Variants in PLCB2 observed in about 807,000 individuals in gnomAD.
PLCB2 encodes 1-phosphatidylinositol 4,5-bisphosphate phosphodiesterase beta-2.
A neutral mutation model predicts 141.7 loss-of-function variants in PLCB2; 115 were observed. That is an observed-to-expected ratio of 0.81 (90% CI 0.70 to 0.95). The LOEUF (loss-of-function observed/expected upper bound fraction) is 0.95. Ranked by LOEUF, PLCB2 falls within the 40% of genes least tolerant of loss-of-function variation. PLCB2 has a pLI of 0.00. For synonymous variants in PLCB2, 603 were observed against 595.6 expected (o/e 1.01, Z -0.18); for missense variants, 1,403 against 1,541.1 (o/e 0.91, Z 1.50).
chr15:40,302,727 C>G, intron 3 of PLCB2, 118 bp from the exon 4 acceptor site: 2 of 1,110,490 alleles, frequency 1.8e-6, no homozygotes, highest in Non-Finnish European at 2.6e-6. Context: ...AACCCCATCC[C>G]CATCCCAGGA....
rs761984154 is a variant in PLCB2 at position 40,291,168 on chromosome 15, C to T, written c.2886G>A (p.Glu962=). ...GSRKKRSLPR[E]ESAGAAPGEG... is the part of the protein sequence containing the mutation. ...CGCCCGGCGCGGCTCCGGCGCTCTC[C>T]TCGCGGGGCAGGCTCCTGGGGAGGC... The change falls in exon 27 of 32, where the codon GAG becomes GAA. Residue 962 remains glutamate, a synonymous_variant. Transcript: ENST00000260402. The T allele has an allele frequency of 1.3e-6, 2 of 1,571,022 alleles. No homozygotes were observed. The highest frequency in any genetic ancestry group is 1.3e-5 in the African/African-American group (1 of 74,356).
Position 40,301,627 on chromosome 15 carries a change from C to A in PLCB2, c.582+330G>T, listed in dbSNP as rs901989192. ...CCTCCAGGCTGAAAACATTCACGCTCAGCTCCCATTCCCAACACTAGACTG... is the reference window on the plus strand; with the variant it reads ...CCTCCAGGCTGAAAACATTCACGCTAAGCTCCCATTCCCAACACTAGACTG... On this transcript the variant is annotated intron_variant, in intron 7 of 31. Transcript: ENST00000260402. 5.7e-6 allele frequency: 4 copies of A among 702,892 alleles called. No homozygotes were observed. The Admixed American group carries it at 8.0e-5, about 14-fold the overall frequency. The allele number at this position is 702,892 out of a possible 1,614,324, so 43.5% of individuals were successfully genotyped here. A position where few individuals can be genotyped will look rare whatever the true frequency, so the allele number is the denominator to read the frequency against.
chr15:40,296,777 G>T lies in PLCB2; in HGVS notation c.1455C>A (p.Ser485Arg). The change falls in exon 14 of 32, where the codon AGC (serine) becomes AGA (arginine). Residue 485 changes from serine to arginine, a missense_variant. By Grantham distance (110) the Ser-to-Arg change is moderately radical. Transcript: ENST00000260402. ...CCTCACCTGCAGGGGCACTGGGTGGGCTGCTGCCCTCAGCCTCCCCACCAG... is the reference window on the plus strand; with the variant it reads ...CCTCACCTGCAGGGGCACTGGGTGGTCTGCTGCCCTCAGCCTCCCCACCAG... ...KDTGGEAEGS[S>R]PPSAPAGEGT... 6.8e-6 allele frequency: 11 copies of T among 1,613,898 alleles called. No homozygotes were observed. The highest frequency in any genetic ancestry group is 1.1e-5 in the South Asian group (1 of 91,074).
chr15:40,296,528 C>A lies in PLCB2; in HGVS notation c.1593G>T (p.Ser531=). The A allele has an allele frequency of 6.2e-7, 1 of 1,614,024 alleles. No homozygotes were observed. Among genetic ancestry groups the A allele is most frequent in the Non-Finnish European group, 8.5e-7 (1 of 1,179,948 alleles). ...LDEEEIKKMQ[S]DEGTAGLEVT... is the part of the protein sequence containing the mutation. ...TGGGGCTACCCCCACACACCTCATC[C>A]GACTGCATCTTCTTAATCTCTTCTT... Residue 531 remains serine (S), a synonymous_variant, in exon 15 of 32, where the codon TCG becomes TCT. Transcript: ENST00000260402.
chr15:40,298,025 T>A lies in PLCB2; in HGVS notation c.1156-66A>T, dbSNP rs116284463. 8.7e-4 allele frequency: 1,123 copies of A among 1,289,330 alleles called. 4 individuals are homozygous for A. In the African/African-American group the frequency reaches 0.015, roughly 17 times the overall value. 79.9% of individuals were successfully genotyped at this position (1,289,330 alleles called of 1,614,324 possible). A position where few individuals can be genotyped will look rare whatever the true frequency, so the allele number is the denominator to read the frequency against. ...CCGACTGCCTGTCTCGTGATAGCACTTTTCCCCCCTGCCTAGTTTCAATAC... is the reference window on the plus strand; with the variant it reads ...CCGACTGCCTGTCTCGTGATAGCACATTTCCCCCCTGCCTAGTTTCAATAC... On this transcript the variant is annotated intron_variant, in intron 11 of 31. Transcript: ENST00000260402.
In PLCB2 at chr15:40,291,908, G is replaced by A. The variant is rs766233850; in HGVS notation, c.2543C>T (p.Ala848Val). ...GGLPEKPFPLASPVASQVNGA... is the reference protein window; with the variant it reads ...GGLPEKPFPLVSPVASQVNGA... The stretch of plus-strand genomic sequence containing the variant: ...ATTGACCTGGCTGGCAACTGGACTC[G>A]CCAGTGGGAAGGGCTTCTGTGTAGG... The change falls in exon 24 of 32, where the codon GCG becomes GTG. Residue 848 changes from alanine to valine, a missense_variant. Physicochemically the swap from Ala to Val is moderately conservative, Grantham distance 64. Transcript: ENST00000260402. 10 of 1,614,150 alleles carry A rather than the reference G, an allele frequency of 6.2e-6. No individual in the cohort carries two copies. Among genetic ancestry groups the A allele is most frequent in the Non-Finnish European group, 8.5e-6 (10 of 1,180,000 alleles).
In PLCB2 at chr15:40,304,037, A is replaced by G. The variant is rs1329332751; in HGVS notation, c.126T>C (p.Pro42=). 1.2e-6 allele frequency: 2 copies of G among 1,600,584 alleles called. No individual in the cohort carries two copies. The highest frequency in any genetic ancestry group is 3.5e-5 in the Admixed American group (2 of 57,700). The change falls in exon 2 of 32, where the codon CCT becomes CCC. Residue 42 remains proline (P), a synonymous_variant. Coordinates refer to ENST00000260402, the MANE Select transcript of PLCB2 (RefSeq NM_004573.3). ...ACGTCCAGTATAAGTAGTAGCCCTTAGGATCCACACGGAGGATAACTGGAG... is the reference window on the plus strand; with the variant it reads ...ACGTCCAGTATAAGTAGTAGCCCTTGGGATCCACACGGAGGATAACTGGAG... ...VASPVILRVD[P]KGYYLYWTYQ...
chr15:40,305,236 T>G (rs1278776473), intron 1 of PLCB2, among the ~76,000 whole-genome samples: 7 of 151,940 alleles, frequency 4.6e-5, no homozygotes, highest in Non-Finnish European at 7.4e-5. Flanking sequence ...TGTGTGGGTT[T>G]GTTACATAGT....
Position 40,299,235 on chromosome 15 carries a change from G to A in PLCB2, c.583-7C>T. 1 of 1,596,390 alleles carries A rather than the reference G, an allele frequency of 6.3e-7. No individual in the cohort carries two copies. Among genetic ancestry groups the A allele is most frequent in the Non-Finnish European group, 8.6e-7 (1 of 1,163,842 alleles). ...CAGGATTGATGGCGTCATTCTAGGG[G>A]CATAGTAACCTTATTGCCCCTGCCC... is the stretch of plus-strand genomic sequence containing the variant. On this transcript the variant is annotated splice_region_variant and splice_polypyrimidine_tract_variant and intron_variant, in intron 7 of 31. Coordinates refer to ENST00000260402, the MANE Select transcript of PLCB2 (RefSeq NM_004573.3).
Position 40,304,011 on chromosome 15 carries a change from T to C in PLCB2, c.152A>G (p.Tyr51Cys), listed in dbSNP as rs1340330668. The change falls in exon 2 of 32, where the codon TAT becomes TGT. Residue 51 changes from tyrosine (Y) to cysteine (C), a missense_variant. This residue lies in a region of PLCB2 where 975 missense variants were observed against 1,141.1 expected (regional missense o/e 0.85). Transcript: ENST00000260402. Reference sequence around the variant, plus strand: ...CAAGGGTTTTCTCACCTTACTTTGATACGTCCAGTATAAGTAGTAGCCCTT... The same window carrying C: ...CAAGGGTTTTCTCACCTTACTTTGACACGTCCAGTATAAGTAGTAGCCCTT... The part of the protein sequence containing the change: ...DPKGYYLYWT[Y>C]QSKEMEFLDI... The C allele has an allele frequency of 1.9e-6, 3 of 1,589,198 alleles. No individual in the cohort carries two copies. The African/African-American group carries it at 4.0e-5, about 21-fold the overall frequency.
rs913203488 is a variant in PLCB2 at position 40,288,511 on chromosome 15, G to T, written c.*204C>A. The T allele has an allele frequency of 1.7e-5, 22 of 1,305,862 alleles. No homozygotes were observed. In the African/African-American group the frequency reaches 2.7e-4, roughly 16 times the overall value. The allele number at this position is 1,305,862 out of a possible 1,614,324, so 80.9% of individuals were successfully genotyped here. A position where few individuals can be genotyped will look rare whatever the true frequency, so the allele number is the denominator to read the frequency against. On this transcript the variant is annotated 3_prime_UTR_variant, in exon 32 of 32. Coordinates refer to ENST00000260402, the MANE Select transcript of PLCB2 (RefSeq NM_004573.3). ...GAAGTCAGCTTGAGAAGACTTCTAG[G>T]CCCCAGAGAGGCCCTGCCGTGAGGG...
At chr15:40,285,579 T>C (rs1219044818), downstream of PLCB2, 1 of 984,794 alleles carries the variant, frequency 1.0e-6, no homozygotes, top group African/African-American at 1.7e-5. Flanking sequence ...CCTTCTGGGG[T>C]GGCCCCCAGG....
Position 40,297,799 on chromosome 15 carries a change from G to A in PLCB2, c.1238+78C>T. 8.6e-7 allele frequency: 1 copy of A among 1,165,436 alleles called. No individual in the cohort carries two copies. The highest frequency in any genetic ancestry group is 1.3e-6 in the Non-Finnish European group (1 of 778,522). The allele number at this position is 1,165,436 out of a possible 1,614,324, so 72.2% of individuals were successfully genotyped here. The stretch of plus-strand genomic sequence containing the variant: ...CTGTAGGCAATGGTTAGAGGCTGGG[G>A]CAGTTGTGGGGAGGACAGTTGCAGA... On this transcript the variant is annotated intron_variant, in intron 12 of 31. Transcript: ENST00000260402. The surrounding 1 kb of genome is among the most constrained non-coding windows in gnomAD (Gnocchi z 4.2).
At chr15:40,286,245 T>A (rs891791146), downstream of PLCB2, among the ~76,000 whole-genome samples, 1 of 151,928 alleles carries the variant, frequency 6.6e-6, no homozygotes, top group African/African-American at 2.4e-5. Context: ...CCTCCCCTCC[T>A]CTCCCCTCCT....
intron 27 of PLCB2, 41 bp from the exon 28 acceptor site, chr15:40,290,878 T>C (rs1300861233): frequency 1.3e-6 from 2 of 1,520,532 alleles, no homozygotes; most frequent in Admixed American, 1.8e-5. Context: ...AGCCCTTTGT[T>C]GTTCAGAGGG....
intron 16 of PLCB2, among the ~76,000 whole-genome samples, chr15:40,295,912 T>A (rs1256983739): frequency 6.6e-6 from 1 of 152,148 alleles, no homozygotes; most frequent in African/African-American, 2.4e-5. Flanking sequence ...AGGGGAAGCA[T>A]GCAAAGGGGC....
intron 24 of PLCB2, 87 bp from the exon 25 acceptor site, chr15:40,291,737 C>G: frequency 6.2e-7 from 1 of 1,602,508 alleles, no homozygotes; most frequent in Non-Finnish European, 8.5e-7. Context: ...CTGGGAGTCG[C>G]AGTATGTGCC....
intron 27 of PLCB2, 42 bp downstream of exon 27, chr15:40,290,967 GGGTGGGGTC>G: frequency 6.5e-7 from 1 of 1,538,350 alleles, no homozygotes; most frequent in African/African-American, 1.4e-5. Context: ...GGTCCATGGG[GGGTGGGGTC>G]GGTGGGGCTG....
Position 40,298,277 on chromosome 15 carries a change from G to T in PLCB2, c.1101C>A (p.Asp367Glu). The T allele has an allele frequency of 1.2e-6, 2 of 1,601,334 alleles. No individual in the cohort carries two copies. The highest frequency in any genetic ancestry group is 1.7e-6 in the Non-Finnish European group (2 of 1,172,194). ...AGCCATGGGTGATAATGGGCTCCTC[G>T]TCAGGGGGTTTCCCCTTCCAGCAGT... is the stretch of plus-strand genomic sequence containing the variant. ...ELDCWKGKPP[D>E]EEPIITHGFT... is the part of the protein sequence containing the mutation. Residue 367 changes from aspartate to glutamate, a missense_variant, in exon 11 of 32, where the codon GAC becomes GAA. Transcript: ENST00000260402.
Sources: allele counts gnomAD v4.1 joint callset (sites outside exome capture counted in the v4.1 genomes callset), GRCh38; gene constraint gnomAD v4.1.1; regional missense constraint gnomAD v4.1.1; non-coding constraint Gnocchi (gnomAD v3.1); transcripts MANE v1.5; gene names NCBI Gene and HGNC (gene_info 2026-07-23, HGNC 2026-07-21).